Variants in KCNIP1 observed in about 807,000 individuals in gnomAD.
KCNIP1 encodes A-type potassium channel modulatory protein KCNIP1.
Under a neutral mutation model 33.0 loss-of-function variants are expected in KCNIP1, and 18 were observed. The ratio of observed to expected loss-of-function variants is 0.55; its 90% CI spans 0.38 to 0.81. The LOEUF is 0.81. Among genes scored for constraint, KCNIP1 ranks in the 30% least tolerant of loss-of-function variants. The probability of loss-of-function intolerance (pLI) is 0.00; values close to 1 mark genes in which losing one functional copy is unlikely to be tolerated. For synonymous variants in KCNIP1, 93 were observed against 98.3 expected (o/e 0.95, Z 0.32); for missense variants, 238 against 271.6 (o/e 0.88, Z 0.87).
chr5:170,534,669 C>A (rs763349510), intron 1 of KCNIP1, among the ~76,000 whole-genome samples: 2 of 151,872 alleles, frequency 1.3e-5, no homozygotes, highest in African/African-American at 4.8e-5. Flanking sequence ...CAGGCAGGCA[C>A]CACCATGCCC....
At chr5:170,725,133 A>T (rs140389240) in intron 5 of KCNIP1, among the ~76,000 whole-genome samples, 1 of 152,230 alleles carries the variant, frequency 6.6e-6, no homozygotes, top group African/African-American at 2.4e-5. Context: ...CAAAAAAACT[A>T]AAAGTAGAGC....
At chr5:170,609,436 C>T (rs910466457) in intron 1 of KCNIP1, among the ~76,000 whole-genome samples, 10 of 152,228 alleles carry the variant, frequency 6.6e-5, no homozygotes, top group South Asian at 6.2e-4. Context: ...TTGAGTGTGA[C>T]GCTCATGTTA....
At chr5:170,574,109 A>C (rs1757515406) in intron 1 of KCNIP1, among the ~76,000 whole-genome samples, 1 of 152,258 alleles carries the variant, frequency 6.6e-6, no homozygotes, top group Non-Finnish European at 1.5e-5. Context: ...AAAATAGAGG[A>C]GGACTCAGGC....
At chr5:170,547,824 A>G (rs1214906040) in intron 1 of KCNIP1, among the ~76,000 whole-genome samples, 2 of 152,186 alleles carry the variant, frequency 1.3e-5, no homozygotes, top group Non-Finnish European at 2.9e-5. Context: ...TAGTGCTACA[A>G]TGAACATACG....
rs1363713 is a variant in KCNIP1, at chr5:170,736,090, G to T, written c.*284G>T. Reference sequence around the variant, plus strand: ...TCCTCACACTGCTGCCCTATGGAAGGTCCCTCTGCTTAAGCTTAAACAGTA... The same window carrying T: ...TCCTCACACTGCTGCCCTATGGAAGTTCCCTCTGCTTAAGCTTAAACAGTA... On this transcript the variant is annotated 3_prime_UTR_variant, in exon 8 of 8. Coordinates refer to ENST00000328939, the MANE Select transcript of KCNIP1 (RefSeq NM_014592.4). The T allele has an allele frequency of 0.23, 98,571 of 432,950 alleles. 17,637 individuals carry two copies. The highest frequency in any genetic ancestry group is 0.8 in the East Asian group (22,137 of 27,542). 26.8% of individuals were successfully genotyped at this position (432,950 alleles called of 1,614,324 possible).
chr5:170,724,881 T>C lies in KCNIP1; in HGVS notation c.435+2061T>C, dbSNP rs190729410. 1.5e-4 allele frequency among the ~76,000 whole-genome samples: 23 copies of C among 152,352 alleles called. No individual in the cohort carries two copies. In the East Asian group the frequency reaches 2.1e-3, roughly 14 times the overall value. ...GTTGGAAGGCCCAATATAGTTAAGA[T>C]GTGGATTCTCCAAATTTGATTTATA... On this transcript the variant is annotated intron_variant, in intron 5 of 7. Coordinates refer to ENST00000328939, the MANE Select transcript of KCNIP1 (RefSeq NM_014592.4).
At chr5:170,584,613 C>T (rs183992385) in intron 1 of KCNIP1, among the ~76,000 whole-genome samples, 32 of 152,194 alleles carry the variant, frequency 2.1e-4, no homozygotes, top group Admixed American at 1.7e-3. Flanking sequence ...CTGCACGAGG[C>T]GTGGAGGGGT....
rs965309740 is a variant in KCNIP1 at position 170,532,677 on chromosome 5, G to A, written c.61+28044G>A. On this transcript the variant is annotated intron_variant, in intron 1 of 7. Coordinates refer to ENST00000328939, the MANE Select transcript of KCNIP1 (RefSeq NM_014592.4). ...TGTGGTGCCATGGATCACAGGTCAC[G>A]ATGCTGTGTGGCTGCCTCTGCTCTT... Among the ~76,000 whole-genome samples the A allele has an allele frequency of 2.6e-5, 4 of 152,200 alleles. No homozygotes were observed. The East Asian group carries it at 5.8e-4, about 22-fold the overall frequency.
intron 1 of KCNIP1, among the ~76,000 whole-genome samples, chr5:170,393,453 C>T (rs1275187095): frequency 2.0e-5 from 3 of 152,276 alleles, no homozygotes; most frequent in Admixed American, 1.3e-4. Context: ...CACAGACATC[C>T]CAGCACTTGC....
At chr5:170,527,770 G>C (rs1755636521) in intron 1 of KCNIP1, among the ~76,000 whole-genome samples, 1 of 150,166 alleles carries the variant, frequency 6.7e-6, no homozygotes, top group Non-Finnish European at 1.5e-5. Flanking sequence ...CAGCATGCAT[G>C]TCTCAAAACA....
intron 1 of KCNIP1, among the ~76,000 whole-genome samples, chr5:170,615,728 G>C (rs976228003): frequency 6.6e-6 from 1 of 152,082 alleles, no homozygotes; most frequent in Non-Finnish European, 1.5e-5. Context: ...TCATACACTG[G>C]GACCTGGAAC....
intron 5 of KCNIP1, among the ~76,000 whole-genome samples, 186 bp from the exon 6 acceptor site, chr5:170,732,610 CCTCT>C (rs1764244173): frequency 1.3e-5 from 2 of 152,206 alleles, no homozygotes; most frequent in Non-Finnish European, 2.9e-5. Context: ...TCTACCATCT[CCTCT>C]CTAAGAAGGG....
intron 1 of KCNIP1, chr5:170,678,430 T>A (rs954282319): frequency 1.3e-5 from 2 of 152,192 alleles, no homozygotes; most frequent in African/African-American, 4.8e-5. Context: ...GCTCCTAAAG[T>A]TCAAGGTTAG....
intron 1 of KCNIP1, among the ~76,000 whole-genome samples, chr5:170,523,889 C>T (rs1341672432): frequency 6.6e-6 from 1 of 152,200 alleles, no homozygotes; most frequent in African/African-American, 2.4e-5. Context: ...CCACTAGGAA[C>T]CCAGGAGTCC....
chr5:170,393,250 G>C (rs1347166252), intron 1 of KCNIP1, among the ~76,000 whole-genome samples: 1 of 152,170 alleles, frequency 6.6e-6, no homozygotes, highest in Non-Finnish European at 1.5e-5. Flanking sequence ...AGCTCAGTCT[G>C]TACCCCTCTC....
intron 1 of KCNIP1, among the ~76,000 whole-genome samples, chr5:170,590,044 T>C (rs1406344063): frequency 6.6e-6 from 1 of 151,986 alleles, no homozygotes; most frequent in African/African-American, 2.4e-5. Flanking sequence ...GGAGGAATAA[T>C]GTATAGGAAG....
chr5:170,521,045 A>G (rs138635829), intron 1 of KCNIP1, among the ~76,000 whole-genome samples: 7 of 152,318 alleles, frequency 4.6e-5, no homozygotes, highest in Non-Finnish European at 1.0e-4. Flanking sequence ...TTTGAGAATT[A>G]ACGTTTGGGT....
intron 1 of KCNIP1, among the ~76,000 whole-genome samples, chr5:170,616,351 G>A (rs1273988200): frequency 6.6e-6 from 1 of 152,166 alleles, no homozygotes; most frequent in Non-Finnish European, 1.5e-5. Flanking sequence ...ATTCATCAGG[G>A]ATCAAAGGGA....
chr5:170,453,759 C>T lies in KCNIP1; in HGVS notation c.88+99795C>T, dbSNP rs144935117. 3.3e-5 allele frequency among the ~76,000 whole-genome samples: 5 copies of T among 152,288 alleles called. No individual in the cohort carries two copies. In the East Asian group the frequency reaches 9.6e-4, roughly 29 times the overall value. ...CTTGCTGACTTGACAAAGTATGTAA[C>T]CATGATGAAGACTTCCACGTGGCAA... On this transcript the variant is annotated intron_variant, in intron 1 of 7. Transcript: ENST00000377360.
Sources: gnomAD v4.1 joint callset for allele counts (sites outside exome capture counted in the v4.1 genomes callset) on GRCh38, gnomAD v4.1.1 for gene constraint, MANE v1.5 for transcripts, NCBI Gene and HGNC (gene_info 2026-07-23, HGNC 2026-07-21) for gene names.